Variants in ITGA9 observed in about 807,000 individuals in gnomAD.
ITGA9 encodes the protein integrin subunit alpha 9.
ITGA9 carries 56 observed loss-of-function variants against 127.8 expected under a neutral mutation model. The ratio of observed to expected loss-of-function variants is 0.44; its 90% CI spans 0.35 to 0.55. The LOEUF is 0.55. Among genes scored for constraint, ITGA9 ranks in the 20% least tolerant of loss-of-function variants. The probability of loss-of-function intolerance (pLI) is 0.00; values close to 1 mark genes in which losing one functional copy is unlikely to be tolerated. For missense variants in ITGA9, 1,196 were observed against 1,347.1 expected, an observed-to-expected ratio of 0.89 and a Z score of 1.76; for synonymous variants, 508 against 514.5, an observed-to-expected ratio of 0.99 and a Z score of 0.17.
chr3:37,481,058 T>C (rs1698546876), intron 3 of ITGA9, among the ~76,000 whole-genome samples: 2 of 152,140 alleles, frequency 1.3e-5, no homozygotes, highest in African/African-American at 2.4e-5. Context: ...AGACCGGCCT[T>C]TCTTTCTCTT....
chr3:37,672,984 A>G (rs1700651682), intron 17 of ITGA9, among the ~76,000 whole-genome samples: 1 of 152,010 alleles, frequency 6.6e-6, no homozygotes, highest in African/African-American at 2.4e-5. Flanking sequence ...CACAATCTCT[A>G]GAATCTTCTA....
chr3:37,503,538 G>A (rs1412494370), intron 6 of ITGA9, among the ~76,000 whole-genome samples: 1 of 152,184 alleles, frequency 6.6e-6, no homozygotes, highest in African/African-American at 2.4e-5. Flanking sequence ...TAATTAAAAA[G>A]CTGACAGTTG....
chr3:37,604,122 T>C (rs1343304876), intron 15 of ITGA9, among the ~76,000 whole-genome samples: 2 of 152,222 alleles, frequency 1.3e-5, no homozygotes, highest in Non-Finnish European at 2.9e-5. Flanking sequence ...CTCCAACCCC[T>C]GCTCCTCATC....
At chr3:37,582,815 C>CA (rs1699722447) in intron 15 of ITGA9, among the ~76,000 whole-genome samples, 1 of 152,170 alleles carries the variant, frequency 6.6e-6, no homozygotes, top group Admixed American at 6.5e-5. Flanking sequence ...TTCCACAACC[C>CA]ACAAAAGAAG....
intron 15 of ITGA9, among the ~76,000 whole-genome samples, chr3:37,553,608 A>G (rs1210639588): frequency 2.0e-5 from 3 of 152,252 alleles, no homozygotes; most frequent in Non-Finnish European, 4.4e-5. Flanking sequence ...GTGGTTTTCC[A>G]AAGTTAGTTG....
intron 4 of ITGA9, among the ~76,000 whole-genome samples, chr3:37,488,842 C>A (rs1220903271): frequency 6.6e-6 from 1 of 151,816 alleles, no homozygotes; most frequent in East Asian, 1.9e-4. Context: ...ATAAAAATTA[C>A]CATTTTAACC....
intron 15 of ITGA9, among the ~76,000 whole-genome samples, chr3:37,553,254 G>T (rs1440210844): frequency 6.6e-6 from 1 of 152,102 alleles, no homozygotes; most frequent in Non-Finnish European, 1.5e-5. Context: ...CGTAACCATA[G>T]CACAATTATT....
intron 14 of ITGA9, 38 bp downstream of exon 14, chr3:37,533,506 T>C: frequency 6.2e-7 from 1 of 1,606,300 alleles, no homozygotes; most frequent in Non-Finnish European, 8.5e-7. Flanking sequence ...GATACCCGTT[T>C]AGCTGGAGTG....
chr3:37,557,495 C>T (rs987576120), intron 15 of ITGA9, among the ~76,000 whole-genome samples: 1 of 152,136 alleles, frequency 6.6e-6, no homozygotes, highest in Non-Finnish European at 1.5e-5. Flanking sequence ...CAAGACAGCC[C>T]TAGCCCCAGT....
At chr3:37,598,708 C>T (rs1699890311) in intron 15 of ITGA9, among the ~76,000 whole-genome samples, 1 of 152,172 alleles carries the variant, frequency 6.6e-6, no homozygotes, top group African/African-American at 2.4e-5. Context: ...GTCAAGCCCC[C>T]TCTGCTTACA....
At chr3:37,595,090 T>C (rs1056361998) in intron 15 of ITGA9, among the ~76,000 whole-genome samples, 3 of 151,968 alleles carry the variant, frequency 2.0e-5, no homozygotes, top group African/African-American at 7.2e-5. Flanking sequence ...TGTTTTGTTG[T>C]TTTTGTTTTT....
At chr3:37,503,423 G>T in intron 6 of ITGA9, 116 bp downstream of exon 6, 1 of 1,160,548 alleles carries the variant, frequency 8.6e-7, no homozygotes, top group South Asian at 1.3e-5. Context: ...GACGCCTGTT[G>T]TTCTAATGAC....
intron 16 of ITGA9, among the ~76,000 whole-genome samples, chr3:37,649,506 T>C (rs1428674888): frequency 2.6e-5 from 4 of 151,516 alleles, no homozygotes; most frequent in Non-Finnish European, 5.9e-5. Flanking sequence ...TGACAAAGGG[T>C]CAATTCAACA....
At chr3:37,659,875 A>T (rs1700516086) in intron 17 of ITGA9, among the ~76,000 whole-genome samples, 1 of 151,982 alleles carries the variant, frequency 6.6e-6, no homozygotes, top group Admixed American at 6.6e-5. Flanking sequence ...GTATGGACGT[A>T]CACTAGTACA....
intron 5 of ITGA9, among the ~76,000 whole-genome samples, chr3:37,501,053 CTTTA>C (rs1265831049): frequency 1.3e-5 from 2 of 152,114 alleles, no homozygotes; most frequent in African/African-American, 2.4e-5. Flanking sequence ...TACGAAGGGA[CTTTA>C]TTTATCTTTA....
Position 37,822,432 on chromosome 3 carries a change from G to A in ITGA9, c.*3443G>A, listed in dbSNP as rs981462554. The A allele has an allele frequency of 1.3e-5, 2 of 152,210 alleles. No individual in the cohort carries two copies. The highest frequency in any genetic ancestry group is 2.9e-5 in the Non-Finnish European group (2 of 68,056). 9.4% of individuals were successfully genotyped at this position (152,210 alleles called of 1,614,324 possible). Reference sequence around the variant, plus strand: ...AGAGGCCATGATGTTTAGAAACAAGGGGACACTAGCAGGAGGGGCAGGGTC... The same window carrying A: ...AGAGGCCATGATGTTTAGAAACAAGAGGACACTAGCAGGAGGGGCAGGGTC... On this transcript the variant is annotated 3_prime_UTR_variant, in exon 28 of 28. Transcript: ENST00000264741.
chr3:37,467,935 G>A (rs576487812), intron 1 of ITGA9, among the ~76,000 whole-genome samples: 148 of 152,290 alleles, frequency 9.7e-4, no homozygotes, highest in African/African-American at 3.3e-3. Flanking sequence ...AAGCTCAGCC[G>A]CTACAGCAAG....
At chr3:37,627,260 C>T (rs1489058273) in intron 15 of ITGA9, among the ~76,000 whole-genome samples, 1 of 152,208 alleles carries the variant, frequency 6.6e-6, no homozygotes, top group Non-Finnish European at 1.5e-5. Context: ...CGGGCTCCCA[C>T]CCCGGGAGTC....
At chr3:37,738,969 C>G (rs1391627090) in intron 20 of ITGA9, among the ~76,000 whole-genome samples, 2 of 152,162 alleles carry the variant, frequency 1.3e-5, no homozygotes, top group African/African-American at 4.8e-5. Flanking sequence ...TCAAAAATAT[C>G]GATGCCTGAT....
Sources: gnomAD v4.1 joint callset for allele counts (sites outside exome capture counted in the v4.1 genomes callset) on GRCh38, gnomAD v4.1.1 for gene constraint, MANE v1.5 for transcripts, NCBI Gene and HGNC (gene_info 2026-07-23, HGNC 2026-07-21) for gene names.